Variants in MED23 observed in about 807,000 individuals in gnomAD.
MED23 encodes the protein mediator of RNA polymerase II transcription subunit 23.
MED23 carries 105 observed loss-of-function variants against 163.9 expected under a neutral mutation model. That is an observed-to-expected ratio of 0.64 (90% CI 0.55 to 0.75). The LOEUF is 0.75. Among genes scored for constraint, MED23 ranks in the 30% least tolerant of loss-of-function variants. The pLI, the probability that MED23 is intolerant of heterozygous loss-of-function variation, is 0.00. For missense variants in MED23, 1,054 were observed against 1,649.0 expected, an observed-to-expected ratio of 0.64 and a Z score of 6.25; for synonymous variants, 561 against 565.6, an observed-to-expected ratio of 0.99 and a Z score of 0.12.
chr6:131,578,017 C>T (rs575979513), intron 30 of MED23, among the ~76,000 whole-genome samples: 58 of 151,548 alleles, frequency 3.8e-4, no homozygotes, highest in Non-Finnish European at 6.8e-4. Context: ...TCCACTGATA[C>T]GACATTCTGG....
chr6:131,579,008 A>G lies in MED23; in HGVS notation c.4096-4713T>C. The G allele has an allele frequency of 3.7e-6, 5 of 1,344,302 alleles. No individual in the cohort carries two copies. The South Asian group carries it at 5.4e-5, about 14-fold the overall frequency. The allele number at this position is 1,344,302 out of a possible 1,614,324, so 83.3% of individuals were successfully genotyped here. ...GACCTTTCAGGTTTTTCCTTTGCTT[A>G]TACTTGTGAATATATGCCTATTTTA... On this transcript the variant is annotated intron_variant, in intron 30 of 30. Coordinates refer to the MED23 transcript ENST00000354577.
At chr6:131,592,360 T>G in intron 25 of MED23, 28 bp downstream of exon 25, 1 of 1,598,056 alleles carries the variant, frequency 6.3e-7, no homozygotes, top group Non-Finnish European at 8.6e-7. Flanking sequence ...ATTTCATCAC[T>G]AAGTACAAAT....
At chr6:131,581,928 TC>T (rs1204195672), downstream of MED23, among the ~76,000 whole-genome samples, 6 of 152,222 alleles carry the variant, frequency 3.9e-5, no homozygotes, top group Admixed American at 3.9e-4. Flanking sequence ...AAACTCCTTT[TC>T]TAAAAGATGG....
At chr6:131,582,076 C>T (rs958942441), downstream of MED23, among the ~76,000 whole-genome samples, 1 of 152,076 alleles carries the variant, frequency 6.6e-6, no homozygotes, top group African/African-American at 2.4e-5. Context: ...TATGATGATA[C>T]AAGAGGTTAA....
chr6:131,584,182 C>A, downstream of MED23: 1 of 421,824 alleles, frequency 2.4e-6, no homozygotes, highest in Non-Finnish European at 4.3e-6. Flanking sequence ...AATTTGCTGG[C>A]ATTAAAAATA....
chr6:131,608,189 AAGTC>A, intron 11 of MED23, 118 bp from the exon 12 acceptor site: 1 of 1,113,290 alleles, frequency 9.0e-7, no homozygotes, highest in Non-Finnish European at 1.3e-6. Flanking sequence ...TGCTCTGAGA[AAGTC>A]AGCATCTAAC....
chr6:131,596,252 T>C, intron 21 of MED23, 89 bp from the exon 22 acceptor site: 1 of 1,240,760 alleles, frequency 8.1e-7, no homozygotes, highest in Non-Finnish European at 1.2e-6. Context: ...GTTTAGATTT[T>C]TTTTTGCAAG....
At chr6:131,612,134 C>A (rs1375985589) in intron 10 of MED23, among the ~76,000 whole-genome samples, 1 of 151,960 alleles carries the variant, frequency 6.6e-6, no homozygotes, top group Non-Finnish European at 1.5e-5. Context: ...TCTACAGTAC[C>A]TAATGCTCCG....
intron 30 of MED23, among the ~76,000 whole-genome samples, chr6:131,580,695 C>T (rs1436287428): frequency 2.0e-5 from 3 of 152,104 alleles, no homozygotes; most frequent in Non-Finnish European, 2.9e-5. Flanking sequence ...ACACGCCATA[C>T]GCTGGCTGAA....
chr6:131,593,266 G>C, intron 23 of MED23, 95 bp from the exon 24 acceptor site: 1 of 1,444,634 alleles, frequency 6.9e-7, no homozygotes, highest in Non-Finnish European at 9.7e-7. Context: ...TCTACGCTTA[G>C]AGAGATTAAG....
chr6:131,606,488 A>C lies in MED23; in HGVS notation c.1358T>G (p.Leu453Arg). The change falls in exon 13 of 29, where the codon CTT (leucine) becomes CGT (arginine). Residue 453 changes from leucine to arginine, a missense_variant. By Grantham distance (102) the Leu-to-Arg change is moderately radical (BLOSUM62 -2). Coordinates refer to ENST00000368068, the MANE Select transcript of MED23 (RefSeq NM_004830.4). ...LQIPIPHSLRLHHEFLQQSLR... is the reference protein window; with the variant it reads ...LQIPIPHSLRRHHEFLQQSLR... ...GCAACAAATAACTTACTCATGGTGA[A>C]GTCTTAGGGAATGAGGTATTGGAAT... The C allele has an allele frequency of 6.2e-7, 1 of 1,613,314 alleles. No individual in the cohort carries two copies. Among genetic ancestry groups the C allele is most frequent in the Non-Finnish European group, 8.5e-7 (1 of 1,179,530 alleles).
downstream of MED23, chr6:131,583,224 C>T (rs1774029184): frequency 1.3e-6 from 2 of 1,598,146 alleles, no homozygotes; most frequent in African/African-American, 1.3e-5. Flanking sequence ...CTACTGACAA[C>T]CAAAGTTATT....
chr6:131,612,426 T>C (rs892419521), intron 10 of MED23, among the ~76,000 whole-genome samples: 5 of 152,034 alleles, frequency 3.3e-5, no homozygotes, highest in Admixed American at 3.3e-4. Context: ...TTTTACAAAG[T>C]GGAACAAACA....
chr6:131,596,338 T>G, intron 21 of MED23, 175 bp from the exon 22 acceptor site: 1 of 874,050 alleles, frequency 1.1e-6, no homozygotes, highest in Admixed American at 2.4e-5. Flanking sequence ...AACTGCAGTT[T>G]CAATTTATTC....
intron 7 of MED23, 84 bp from the exon 8 acceptor site, chr6:131,619,980 T>C (rs1168989127): frequency 2.1e-5 from 18 of 846,000 alleles, no homozygotes; most frequent in East Asian, 4.9e-5. Flanking sequence ...TGAACATTTA[T>C]ATAAAATGAG....
chr6:131,593,291 C>G, intron 23 of MED23, 120 bp from the exon 24 acceptor site: 1 of 1,163,972 alleles, frequency 8.6e-7, no homozygotes, highest in South Asian at 1.3e-5. Flanking sequence ...AAATGCAAAC[C>G]AAATACAAAT....
intron 3 of MED23, 120 bp from the exon 4 acceptor site, chr6:131,625,109 G>T: frequency 1.8e-6 from 2 of 1,117,766 alleles, no homozygotes; most frequent in Non-Finnish European, 2.6e-6. Context: ...ATGAGCATCT[G>T]TGGATGAAAA....
At position 131,620,670 on chromosome 6, in the gene MED23, A is replaced by T; in HGVS notation, c.555T>A (p.Thr185=). The T allele has an allele frequency of 6.2e-7, 1 of 1,613,166 alleles. No homozygotes were observed. Among genetic ancestry groups the T allele is most frequent in the Non-Finnish European group, 8.5e-7 (1 of 1,179,266 alleles). The change falls in exon 7 of 29, where the codon ACT becomes ACA. Residue 185 remains threonine, a synonymous_variant. Coordinates refer to ENST00000368068, the MANE Select transcript of MED23 (RefSeq NM_004830.4). The part of the protein sequence containing the change: ...ACLLPAYFAV[T]EIRKLYPEGK... ...CTTCAGGATACAGTTTCCTGATCTC[A>T]GTGACTGCAAAATAGGCTGGTAATA...
In MED23 at chr6:131,624,969, G is replaced by A; in HGVS notation, c.180C>T (p.Ile60=). The A allele has an allele frequency of 6.2e-7, 1 of 1,613,582 alleles. No homozygotes were observed. Among genetic ancestry groups the A allele is most frequent in the Non-Finnish European group, 8.5e-7 (1 of 1,179,892 alleles). Residue 60 remains isoleucine, a synonymous_variant, in exon 4 of 29, where the codon ATC becomes ATT. Coordinates refer to ENST00000368068, the MANE Select transcript of MED23 (RefSeq NM_004830.4). ...GLSQESHEQC[I]QWIVKFIHGQ... ...CATGAATAAACTTAACAATCCACTG[G>A]ATACACTGTTCATGAGACTCCTGGA...
Sources: allele counts gnomAD v4.1 joint callset (sites outside exome capture counted in the v4.1 genomes callset), GRCh38; gene constraint gnomAD v4.1.1; transcripts MANE v1.5; gene names NCBI Gene and HGNC (gene_info 2026-07-23, HGNC 2026-07-21).